CNOT6: variants seen among roughly 807,000 people sequenced by gnomAD.
The protein encoded by CNOT6 is CCR4-NOT transcription complex subunit 6.
In CNOT6, 12 loss-of-function variants were observed where a neutral mutation model predicts 61.2. The observed-to-expected ratio is 0.20, with a 90% CI of 0.13 to 0.32. The LOEUF is 0.32. Ranked by LOEUF, CNOT6 falls within the 10% of genes least tolerant of loss-of-function variation. CNOT6 has a pLI of 1.00. For synonymous variants in CNOT6, 225 were observed against 240.6 expected (o/e 0.94, Z 0.60); for missense variants, 405 against 663.9 (o/e 0.61, Z 4.28).
chr5:180,523,204 G>A (rs1757950991), intron 1 of CNOT6, among the ~76,000 whole-genome samples: 1 of 152,204 alleles, frequency 6.6e-6, no homozygotes, highest in East Asian at 1.9e-4. Context: ...TTAAGTGTGA[G>A]CATAGAGGAA....
In CNOT6 at chr5:180,565,809, C is replaced by A; in HGVS notation, c.560-11C>A. 6.5e-7 allele frequency: 1 copy of A among 1,550,358 alleles called. No individual in the cohort carries two copies. Among genetic ancestry groups the A allele is most frequent in the Admixed American group, 2.0e-5 (1 of 50,464 alleles). ...CACATGTGTGAATAAGTAAAGTTAT[C>A]TTTCCTACAGCCTTGTTTTCTGTCA... On this transcript the variant is annotated splice_polypyrimidine_tract_variant and intron_variant, in intron 6 of 11. Transcript: ENST00000261951.
rs1272545012 is a variant in CNOT6, at chr5:180,525,554, AAGT to A, written c.-2-3717_-2-3715del. On this transcript the variant is annotated intron_variant, in intron 1 of 11. Coordinates refer to ENST00000261951, the MANE Select transcript of CNOT6 (RefSeq NM_001370472.1). Reference sequence around the variant, plus strand: ...ACCCTGTCTCAAAAAAAAAAAAAAAAAGTAGTTCTATTTCCTGTCAGCAGGGAG... The same window carrying A: ...ACCCTGTCTCAAAAAAAAAAAAAAAAAGTTCTATTTCCTGTCAGCAGGGAG... 6.7e-4 allele frequency among the ~76,000 whole-genome samples: 102 copies of A among 152,134 alleles called. 1 individual carries two copies. Among genetic ancestry groups the A allele is most frequent in the African/African-American group, 2.4e-3 (99 of 41,492 alleles).
intron 2 of CNOT6, among the ~76,000 whole-genome samples, chr5:180,549,530 A>G (rs530950920): frequency 6.6e-4 from 100 of 152,154 alleles, no homozygotes; most frequent in Middle Eastern, 3.4e-3. Context: ...GGTGCCTGTA[A>G]TCCCAGCTAC....
At chr5:180,532,922 G>T (rs184598516) in intron 2 of CNOT6, among the ~76,000 whole-genome samples, 77 of 152,324 alleles carry the variant, frequency 5.1e-4, no homozygotes, top group Non-Finnish European at 3.2e-4. Flanking sequence ...AAAAAGTGCA[G>T]TGTCCATGCC....
intron 1 of CNOT6, among the ~76,000 whole-genome samples, chr5:180,520,206 T>C (rs1249896560): frequency 6.6e-6 from 1 of 152,238 alleles, no homozygotes; most frequent in Admixed American, 6.5e-5. Flanking sequence ...TATGAACAAC[T>C]ATATTGTCAA....
intron 4 of CNOT6, among the ~76,000 whole-genome samples, chr5:180,559,761 G>A (rs1317167562): frequency 6.6e-6 from 1 of 151,622 alleles, no homozygotes; most frequent in Non-Finnish European, 1.5e-5. Context: ...GTGTCTGTTT[G>A]TATAGATGTT....
At chr5:180,540,779 A>G (rs1026514851) in intron 2 of CNOT6, among the ~76,000 whole-genome samples, 4 of 152,128 alleles carry the variant, frequency 2.6e-5, no homozygotes, top group East Asian at 1.9e-4. Flanking sequence ...CCTCTATGCT[A>G]TTGTAGTCAT....
intron 1 of CNOT6, among the ~76,000 whole-genome samples, chr5:180,498,285 G>GTAC (rs1756707944): frequency 6.6e-6 from 1 of 152,132 alleles, no homozygotes; most frequent in East Asian, 1.9e-4. Context: ...GTTAAGGTAT[G>GTAC]TACTGGCCAT....
intron 10 of CNOT6, 55 bp from the exon 11 acceptor site, chr5:180,571,157 CTTACTATTGCATGATCTT>C: frequency 9.5e-7 from 1 of 1,056,196 alleles, no homozygotes; most frequent in Non-Finnish European, 1.4e-6. Context: ...TTTAAAACTT[CTTACTATTGCATGATCTT>C]TTAAAATTAC....
chr5:180,565,173 A>AT (rs1459947837), intron 6 of CNOT6, among the ~76,000 whole-genome samples: 2 of 152,252 alleles, frequency 1.3e-5, no homozygotes, highest in East Asian at 3.8e-4. Flanking sequence ...TACTGATGAA[A>AT]TTCACTTAAA....
chr5:180,508,897 G>A (rs1308590691), intron 1 of CNOT6, among the ~76,000 whole-genome samples: 2 of 149,904 alleles, frequency 1.3e-5, no homozygotes, highest in African/African-American at 2.5e-5. Context: ...ATCCTGGCTC[G>A]CTGCAACTCT....
chr5:180,556,583 T>A (rs1490012666), intron 4 of CNOT6, among the ~76,000 whole-genome samples: 1 of 152,184 alleles, frequency 6.6e-6, no homozygotes. Flanking sequence ...CACCAGAAGA[T>A]CCTTTTGTTA....
At chr5:180,565,571 C>T (rs113797598) in intron 6 of CNOT6, among the ~76,000 whole-genome samples, 5,563 of 152,232 alleles carry the variant, frequency 0.037, 219 homozygotes, top group African/African-American at 0.097. Context: ...TTAGACTTTT[C>T]ACTTCCAGAC....
At position 180,575,364 on chromosome 5, in the gene CNOT6, C is replaced by T. The variant is rs894286433; in HGVS notation, c.*1164C>T. On this transcript the variant is annotated 3_prime_UTR_variant, in exon 12 of 12. Coordinates refer to ENST00000261951, the MANE Select transcript of CNOT6 (RefSeq NM_001370472.1). ...TGCTCACCAGATCCAAGCACTGCTT[C>T]TCGGTGTCATTGCAGTGTGCTGCTT... is the stretch of plus-strand genomic sequence containing the variant. 1 of 152,120 alleles carries T rather than the reference C, an allele frequency of 6.6e-6. No homozygotes were observed. Among genetic ancestry groups the T allele is most frequent in the Non-Finnish European group, 1.5e-5 (1 of 68,036 alleles). 9.4% of individuals were successfully genotyped at this position (152,120 alleles called of 1,614,324 possible).
chr5:180,563,216 ATT>A (rs11379078), intron 4 of CNOT6, among the ~76,000 whole-genome samples: 12 of 140,200 alleles, frequency 8.6e-5, no homozygotes, highest in Admixed American at 1.4e-4. Context: ...TTCCTGTTAA[ATT>A]TTTTTTTTTT....
chr5:180,569,043 C>A, intron 9 of CNOT6, 67 bp from the exon 10 acceptor site: 6 of 1,160,234 alleles, frequency 5.2e-6, no homozygotes. Flanking sequence ...CTTTCAGACG[C>A]TGTAAGAATA....
At chr5:180,571,206 T>TA (rs751371327) in intron 10 of CNOT6, 24 bp from the exon 11 acceptor site, 36 of 1,537,138 alleles carry the variant, frequency 2.3e-5, no homozygotes, top group Non-Finnish European at 3.1e-5. Flanking sequence ...TATTTGACAA[T>TA]AAAAAAATTT....
intron 2 of CNOT6, among the ~76,000 whole-genome samples, chr5:180,544,524 A>G (rs1358139111): frequency 6.6e-6 from 1 of 151,762 alleles, no homozygotes; most frequent in African/African-American, 2.4e-5. Flanking sequence ...CTCATATATG[A>G]TTTATTCCTT....
chr5:180,553,276 G>A lies in CNOT6; in HGVS notation c.300-110G>A, dbSNP rs1014790346. On this transcript the variant is annotated intron_variant, in intron 3 of 11. Transcript: ENST00000261951. ...GCAGTACTAGACATTGAAATATAAC[G>A]TAACATTTTTTCATTCTTAGGTGCT... 9.2e-5 allele frequency: 56 copies of A among 611,310 alleles called. 1 individual carries two copies. The South Asian group carries it at 1.0e-3, about 11-fold the overall frequency. 37.9% of individuals were successfully genotyped at this position (611,310 alleles called of 1,614,324 possible). A position where few individuals can be genotyped will look rare whatever the true frequency, so the allele number is the denominator to read the frequency against.
Sources: allele counts gnomAD v4.1 joint callset (sites outside exome capture counted in the v4.1 genomes callset), GRCh38; gene constraint gnomAD v4.1.1; transcripts MANE v1.5; gene names NCBI Gene and HGNC (gene_info 2026-07-23, HGNC 2026-07-21).